The following GNAS variants were observed in gnomAD, a reference collection of about 807,000 sequenced individuals.
The protein encoded by GNAS is GNAS complex locus.
A neutral mutation model predicts 54.5 loss-of-function variants in GNAS; 8 were observed. The observed-to-expected ratio is 0.15, with a 90% CI of 0.09 to 0.26. The LOEUF is 0.26. Among genes scored for constraint, GNAS ranks in the 10% least tolerant of loss-of-function variants. The pLI is 1.00. For synonymous variants in GNAS, 204 were observed against 191.4 expected (o/e 1.07, Z -0.54); for missense variants, 170 against 529.8 (o/e 0.32, Z 6.67).
upstream of GNAS, among the ~76,000 whole-genome samples, chr20:58,887,237 T>C (rs147765313): frequency 6.6e-6 from 1 of 152,346 alleles, no homozygotes; most frequent in East Asian, 1.9e-4. Flanking sequence ...TTAAAGACAA[T>C]GTATCTGTGC....
chr20:58,842,174 G>T (rs1194625570), intron 1 of GNAS: 1 of 398,528 alleles, frequency 2.5e-6, no homozygotes, highest in Admixed American at 4.4e-5. Context: ...CAGCAATCTG[G>T]TAACGCACCT....
chr20:58,852,584 C>T (rs1165172278), intron 1 of GNAS: 2 of 177,774 alleles, frequency 1.1e-5, no homozygotes, highest in Non-Finnish European at 1.2e-5. Context: ...GTCCCCCCTC[C>T]CCCGAGGAGT....
In GNAS at chr20:58,891,488, G is replaced by C. The variant is rs1299798466; in HGVS notation, c.-239G>C. On this transcript the variant is annotated 5_prime_UTR_variant, in exon 1 of 13. Coordinates refer to ENST00000371085, the MANE Select transcript of GNAS (RefSeq NM_000516.7). ...GGCGGCCATCAGCCCCCTCGGCCTC[G>C]GCTCGAGGGGCGGGGAGCTGCGCGC... The C allele has an allele frequency of 1.0e-6, 1 of 959,300 alleles. No individual in the cohort carries two copies. The highest frequency in any genetic ancestry group is 1.8e-5 in the African/African-American group (1 of 55,622). 59.4% of individuals were successfully genotyped at this position (959,300 alleles called of 1,614,324 possible). A position where few individuals can be genotyped will look rare whatever the true frequency, so the allele number is the denominator to read the frequency against.
intron 1 of GNAS, chr20:58,842,229 A>G (rs2085765272): frequency 2.5e-6 from 1 of 398,382 alleles, no homozygotes. Context: ...GGGGGGAAAG[A>G]CTGATAAGTG....
chr20:58,893,058 C>T (rs917673143), intron 1 of GNAS, among the ~76,000 whole-genome samples: 4 of 130,146 alleles, frequency 3.1e-5, no homozygotes, highest in Non-Finnish European at 6.3e-5. Flanking sequence ...CTGGAAATGG[C>T]GTGGTTTCTT....
chr20:58,855,490 A>C (rs1225911710), intron 1 of GNAS: 2 of 765,628 alleles, frequency 2.6e-6, no homozygotes, highest in Non-Finnish European at 2.3e-6. Context: ...GAGGGACCCT[A>C]ACTGCCCTGG....
chr20:58,851,562 C>A (rs1383949074), intron 1 of GNAS, among the ~76,000 whole-genome samples: 2 of 152,196 alleles, frequency 1.3e-5, no homozygotes, highest in African/African-American at 4.8e-5. Context: ...CTTACAGCAG[C>A]TTTTCTCCCG....
At chr20:58,892,283 G>GTCCCC in intron 1 of GNAS, 1 of 668,452 alleles carries the variant, frequency 1.5e-6, no homozygotes, top group Non-Finnish European at 1.9e-6. Flanking sequence ...TTCGGGGACA[G>GTCCCC]GAAACCGGGT....
rs2086571677 is a variant in GNAS, at chr20:58,857,547, G to A, written c.43+16661G>A. On this transcript the variant is annotated intron_variant, in intron 1 of 12. Transcript: ENST00000306090. This position sits in a 1 kb window ranked among gnomAD's most constrained non-coding sequence, Gnocchi z 4.1. ...CACCTGACCCCTAATTGTCAAATTGGTGATGTGCCTTACATGCGGGGCCTC... is the reference window on the plus strand; with the variant it reads ...CACCTGACCCCTAATTGTCAAATTGATGATGTGCCTTACATGCGGGGCCTC... 6.6e-6 allele frequency among the ~76,000 whole-genome samples: 1 copy of A among 152,222 alleles called. No individual in the cohort carries two copies. Among genetic ancestry groups the A allele is most frequent in the Non-Finnish European group, 1.5e-5 (1 of 68,042 alleles).
chr20:58,869,600 G>C (rs767737642), intron 1 of GNAS, among the ~76,000 whole-genome samples: 1 of 152,196 alleles, frequency 6.6e-6, no homozygotes, highest in Non-Finnish European at 1.5e-5. Context: ...AGATGAAGTA[G>C]AATTTGAGGT....
chr20:58,850,838 C>T lies in GNAS; in HGVS notation c.43+9952C>T, dbSNP rs564494963. The T allele has an allele frequency of 2.5e-5, 10 of 398,830 alleles. No homozygotes were observed. The Admixed American group carries it at 2.6e-4, about 11-fold the overall frequency. The allele number at this position is 398,830 out of a possible 1,614,324, so 24.7% of individuals were successfully genotyped here. A position where few individuals can be genotyped will look rare whatever the true frequency, so the allele number is the denominator to read the frequency against. On this transcript the variant is annotated intron_variant, in intron 1 of 12. Coordinates refer to the GNAS transcript ENST00000306090. ...CTTCCAGGCCTAGCCGCCATACACC[C>T]GCCCCCCACCGGCTTCCAACCACCC... is the stretch of plus-strand genomic sequence containing the variant.
chr20:58,852,081 C>T, intron 1 of GNAS, among the ~76,000 whole-genome samples: 1 of 152,102 alleles, frequency 6.6e-6, no homozygotes, highest in East Asian at 1.9e-4. Flanking sequence ...AGGTCCTCCT[C>T]TGCGCAGCAC....
intron 1 of GNAS, chr20:58,854,985 G>A (rs767833799): frequency 1.9e-6 from 3 of 1,612,188 alleles, no homozygotes; most frequent in African/African-American, 1.3e-5. Context: ...CAGCAGCGAC[G>A]ATGACTCCAG....
chr20:58,867,610 G>C (rs1366566432), intron 1 of GNAS: 6 of 152,174 alleles, frequency 3.9e-5, no homozygotes, highest in African/African-American at 1.2e-4. Context: ...AGAAGTTGGG[G>C]GTTCTCATTC....
rs1456813198 is a variant in GNAS at position 58,849,466 on chromosome 20, C to T, written c.43+8580C>T. On this transcript the variant is annotated intron_variant, in intron 1 of 12. Coordinates refer to the GNAS transcript ENST00000306090. ...CTCCATAAATTCATCTTTGTAAGTA[C>T]GATTGCCAATTTGAATGTGTGATCT... 3.3e-5 allele frequency among the ~76,000 whole-genome samples: 5 copies of T among 152,216 alleles called. No homozygotes were observed. In the East Asian group the frequency reaches 7.7e-4, roughly 23 times the overall value.
chr20:58,871,609 C>T (rs1192410624), intron 1 of GNAS, among the ~76,000 whole-genome samples: 10 of 112,612 alleles, frequency 8.9e-5, no homozygotes, highest in Non-Finnish European at 1.4e-4. Context: ...AATGATACTC[C>T]GTCGAAAAAA....
chr20:58,886,659 G>GA (rs111266946), upstream of GNAS, among the ~76,000 whole-genome samples: 10,926 of 147,468 alleles, frequency 0.074, 693 homozygotes, highest in African/African-American at 0.17. Flanking sequence ...TAAAAGACTT[G>GA]AAAAAAAAAA....
intron 3 of GNAS, chr20:58,900,015 A>C (rs1339414495): frequency 1.4e-6 from 1 of 695,372 alleles, no homozygotes; most frequent in African/African-American, 1.8e-5. Flanking sequence ...CACAATTTGC[A>C]TGCTGGAATT....
At chr20:58,845,476 G>A (rs891940012) in intron 1 of GNAS, among the ~76,000 whole-genome samples, 17 of 152,084 alleles carry the variant, frequency 1.1e-4, no homozygotes, top group African/African-American at 3.9e-4. Context: ...TTTGCGCACC[G>A]CATCCCCCAA....
Sources: gnomAD v4.1 joint callset for allele counts (sites outside exome capture counted in the v4.1 genomes callset) on GRCh38, gnomAD v4.1.1 for gene constraint, Gnocchi (gnomAD v3.1) non-coding constraint, MANE v1.5 for transcripts, NCBI Gene and HGNC (gene_info 2026-07-23, HGNC 2026-07-21) for gene names.